RFX2: variants seen among roughly 807,000 people sequenced by gnomAD.
RFX2 encodes the protein regulatory factor X2.
A neutral mutation model predicts 87.8 loss-of-function variants in RFX2; 20 were observed. The observed-to-expected ratio is 0.23, with a 90% CI of 0.16 to 0.33. The LOEUF (loss-of-function observed/expected upper bound fraction) is 0.33. Ranked by LOEUF, RFX2 falls within the 10% of genes least tolerant of loss-of-function variation. The probability of loss-of-function intolerance (pLI) is 1.00; values close to 1 mark genes in which losing one functional copy is unlikely to be tolerated. For synonymous variants in RFX2, 397 were observed against 431.3 expected (o/e 0.92, Z 0.98); for missense variants, 767 against 1,012.3 (o/e 0.76, Z 3.29).
chr19:6,015,819 A>G (rs987357946), intron 7 of RFX2, among the ~76,000 whole-genome samples: 1 of 152,164 alleles, frequency 6.6e-6, no homozygotes, highest in African/African-American at 2.4e-5. Context: ...GCTCTAAAAC[A>G]AAAAAAGAAA....
chr19:6,015,131 CA>C (rs1263628094), intron 7 of RFX2, among the ~76,000 whole-genome samples: 3 of 152,010 alleles, frequency 2.0e-5, no homozygotes, highest in Non-Finnish European at 2.9e-5. Flanking sequence ...CCAGGTACAG[CA>C]AAAGACACCA....
chr19:6,109,046 G>A (rs2088265965), intron 1 of RFX2, among the ~76,000 whole-genome samples: 1 of 152,034 alleles, frequency 6.6e-6, no homozygotes, highest in African/African-American at 2.4e-5. Context: ...GTGCGCCCGC[G>A]AGCGCGCTGG....
rs1213059971 is a variant in RFX2 at position 6,056,092 on chromosome 19, T to G, written c.-8-8588A>C. Among the ~76,000 whole-genome samples, 4 of 152,134 alleles carry G rather than the reference T, an allele frequency of 2.6e-5. No individual in the cohort carries two copies. The highest frequency in any genetic ancestry group is 5.9e-5 in the Non-Finnish European group (4 of 68,024). The stretch of plus-strand genomic sequence containing the variant: ...GGACACTCCAGTGAGATGGACGCAT[T>G]CTGTATGATAATACAGTGTGCGGTT... On this transcript the variant is annotated intron_variant, in intron 1 of 17. Transcript: ENST00000303657. This position sits in a 1 kb window ranked among gnomAD's most constrained non-coding sequence, Gnocchi z 4.6.
At position 5,993,871 on chromosome 19, in the gene RFX2, G is replaced by C. The variant is rs1599828574; in HGVS notation, c.*964C>G. 6.6e-6 allele frequency: 1 copy of C among 152,390 alleles called. No individual in the cohort carries two copies. The highest frequency in any genetic ancestry group is 1.9e-4 in the East Asian group (1 of 5,186). 9.4% of individuals were successfully genotyped at this position (152,390 alleles called of 1,614,324 possible). A position where few individuals can be genotyped will look rare whatever the true frequency, so the allele number is the denominator to read the frequency against. On this transcript the variant is annotated 3_prime_UTR_variant, in exon 18 of 18. Coordinates refer to ENST00000303657, the MANE Select transcript of RFX2 (RefSeq NM_000635.4). ...GATTAGTTCAGAGGGAGGTGTTCTG[G>C]AAGACTCCGTGGAGCGGGACGCAGG...
In RFX2 at chr19:6,024,524, A is replaced by C. The variant is rs2086859957; in HGVS notation, c.597+1639T>G. Among the ~76,000 whole-genome samples, 1 of 152,162 alleles carries C rather than the reference A, an allele frequency of 6.6e-6. No individual in the cohort carries two copies. Among genetic ancestry groups the C allele is most frequent in the Non-Finnish European group, 1.5e-5 (1 of 68,004 alleles). ...AATATTTCTGCCATTTCTTCTAGTG[A>C]CCAGCCCCCTGAGGCAAAGGGCAGA... On this transcript the variant is annotated intron_variant, in intron 6 of 17. Transcript: ENST00000303657. The surrounding 1 kb of genome is among the most constrained non-coding windows in gnomAD (Gnocchi z 5.0).
intron 13 of RFX2, among the ~76,000 whole-genome samples, chr19:6,003,090 G>A (rs1054022256): frequency 6.6e-6 from 1 of 152,172 alleles, no homozygotes; most frequent in African/African-American, 2.4e-5. Context: ...GTCGCTAACT[G>A]AGGCCTGCGT....
chr19:6,042,950 G>T (rs998792755), intron 3 of RFX2, among the ~76,000 whole-genome samples: 1 of 152,214 alleles, frequency 6.6e-6, no homozygotes, highest in Non-Finnish European at 1.5e-5. Flanking sequence ...GCTTGTTCGG[G>T]TGTCATGGTG....
intron 12 of RFX2, 106 bp downstream of exon 12, chr19:6,006,906 T>C: frequency 7.3e-7 from 1 of 1,373,966 alleles, no homozygotes; most frequent in South Asian, 1.3e-5. Context: ...TTGGGTTTTC[T>C]GTGAAAGCGA....
chr19:6,028,293 C>T (rs562506339), intron 5 of RFX2, among the ~76,000 whole-genome samples: 31 of 151,986 alleles, frequency 2.0e-4, no homozygotes, highest in Non-Finnish European at 4.4e-4. Flanking sequence ...GAAGACAACT[C>T]TACACATCTA....
In RFX2 at chr19:6,076,066, G is replaced by A. The variant is rs570990238; in HGVS notation, c.-8-28562C>T. Among the ~76,000 whole-genome samples the A allele has an allele frequency of 8.8e-4, 134 of 152,254 alleles. 1 individual carries two copies. Among genetic ancestry groups the A allele is most frequent in the African/African-American group, 3.0e-3 (126 of 41,536 alleles). ...AAAAATTAGAAACGAGGTTGGGGGC[G>A]GTGGCTCATGCCTGTAATCCCAGCA... On this transcript the variant is annotated intron_variant, in intron 1 of 17. Coordinates refer to ENST00000303657, the MANE Select transcript of RFX2 (RefSeq NM_000635.4).
Position 6,039,863 on chromosome 19 carries a change from C to T in RFX2, c.522+117G>A. The stretch of plus-strand genomic sequence containing the variant: ...GACTCCATCGTGGGGCCGCCTGGGC[C>T]CAGAGCAGACGACAGCCCCTCCGGG... On this transcript the variant is annotated intron_variant, in intron 5 of 17. Transcript: ENST00000303657. The surrounding 1 kb of genome is among the most constrained non-coding windows in gnomAD (Gnocchi z 5.2). 7.8e-7 allele frequency: 1 copy of T among 1,278,810 alleles called. No individual in the cohort carries two copies. Among genetic ancestry groups the T allele is most frequent in the Non-Finnish European group, 1.0e-6 (1 of 953,028 alleles). The allele number at this position is 1,278,810 out of a possible 1,614,324, so 79.2% of individuals were successfully genotyped here. A position where few individuals can be genotyped will look rare whatever the true frequency, so the allele number is the denominator to read the frequency against.
In RFX2 at chr19:6,044,358, C is replaced by A; in HGVS notation, c.91-76G>T. On this transcript the variant is annotated intron_variant, in intron 2 of 17. Coordinates refer to ENST00000303657, the MANE Select transcript of RFX2 (RefSeq NM_000635.4). This position sits in a 1 kb window ranked among gnomAD's most constrained non-coding sequence, Gnocchi z 5.3. The stretch of plus-strand genomic sequence containing the variant: ...GAGGATACACACAGAATGTAAGATG[C>A]TGTTTGTCTGTTCATGTGCTTTTTA... 1.1e-6 allele frequency: 1 copy of A among 905,220 alleles called. No homozygotes were observed. Among genetic ancestry groups the A allele is most frequent in the Non-Finnish European group, 1.6e-6 (1 of 637,692 alleles). The allele number at this position is 905,220 out of a possible 1,614,324, so 56.1% of individuals were successfully genotyped here. A position where few individuals can be genotyped will look rare whatever the true frequency, so the allele number is the denominator to read the frequency against.
At chr19:6,003,589 C>T (rs1160845504) in intron 13 of RFX2, among the ~76,000 whole-genome samples, 2 of 151,678 alleles carry the variant, frequency 1.3e-5, no homozygotes, top group Non-Finnish European at 2.9e-5. Flanking sequence ...CCAGCCTGGC[C>T]AACATGGCGA....
intron 5 of RFX2, among the ~76,000 whole-genome samples, chr19:6,034,409 A>G (rs145220182): frequency 0.01 from 1,590 of 152,006 alleles, 33 homozygotes; most frequent in Non-Finnish European, 0.016. Flanking sequence ...TTGCATTTTT[A>G]GTAGAGACGG....
At chr19:6,088,211 CTTTTTTTTTTT>C (rs1030226963) in intron 1 of RFX2, among the ~76,000 whole-genome samples, 849 of 84,462 alleles carry the variant, frequency 0.01, 24 homozygotes, top group African/African-American at 0.038. Flanking sequence ...GGCACTACAG[CTTTTTTTTTTT>C]TTTTTTTTTT....
At chr19:6,053,031 G>A (rs1263842111) in intron 1 of RFX2, among the ~76,000 whole-genome samples, 1 of 151,720 alleles carries the variant, frequency 6.6e-6, no homozygotes, top group Non-Finnish European at 1.5e-5. Context: ...AAGCTATATA[G>A]AAAGACAAAC....
chr19:6,035,850 G>GGGTGT (rs1555776252), intron 5 of RFX2, among the ~76,000 whole-genome samples: 14 of 137,166 alleles, frequency 1.0e-4, no homozygotes, highest in African/African-American at 3.3e-4. Flanking sequence ...CTTGGTGGGG[G>GGGTGT]GTGTGTGTGT....
At chr19:5,995,164 A>G (rs1381682867) in intron 17 of RFX2, among the ~76,000 whole-genome samples, 3 of 152,050 alleles carry the variant, frequency 2.0e-5, no homozygotes, top group Non-Finnish European at 4.4e-5. Context: ...CAGGCGAAAG[A>G]GCCTCTGCCC....
At chr19:6,087,370 G>T (rs963208839) in intron 1 of RFX2, among the ~76,000 whole-genome samples, 1 of 152,308 alleles carries the variant, frequency 6.6e-6, no homozygotes, top group Admixed American at 6.5e-5. Context: ...AGAACACTTA[G>T]GAGATAATTA....
Sources: allele counts gnomAD v4.1 joint callset (sites outside exome capture counted in the v4.1 genomes callset), GRCh38; gene constraint gnomAD v4.1.1; non-coding constraint Gnocchi (gnomAD v3.1); transcripts MANE v1.5; gene names NCBI Gene and HGNC (gene_info 2026-07-23, HGNC 2026-07-21).